The following NPAS3 variants were observed in gnomAD, a reference collection of about 807,000 sequenced individuals.
The protein encoded by NPAS3 is neuronal PAS domain-containing protein 3.
Under a neutral mutation model 73.1 loss-of-function variants are expected in NPAS3, and 14 were observed. The observed-to-expected ratio is 0.19, with a 90% CI of 0.13 to 0.30. NPAS3 has a LOEUF of 0.30. NPAS3 is among the 10% of genes least tolerant of loss of function. NPAS3 has a pLI of 1.00. For missense variants in NPAS3, 1,096 were observed against 1,250.0 expected, an observed-to-expected ratio of 0.88 and a Z score of 1.86; for synonymous variants, 620 against 541.5, an observed-to-expected ratio of 1.14 and a Z score of -2.01.
intron 2 of NPAS3, among the ~76,000 whole-genome samples, chr14:33,093,366 A>G (rs922303059): frequency 6.6e-6 from 1 of 152,234 alleles, no homozygotes; most frequent in Non-Finnish European, 1.5e-5. Flanking sequence ...GACACATGAA[A>G]AATGCTCATC....
chr14:33,560,838 G>A (rs866723099), intron 5 of NPAS3, among the ~76,000 whole-genome samples: 4 of 152,218 alleles, frequency 2.6e-5, no homozygotes, highest in South Asian at 2.1e-4. Flanking sequence ...AATCCTGGAT[G>A]TTACTTCTCG....
intron 3 of NPAS3, among the ~76,000 whole-genome samples, chr14:33,235,864 C>T (rs373514510): frequency 5.8e-5 from 7 of 121,192 alleles, no homozygotes; most frequent in African/African-American, 1.6e-4. Flanking sequence ...TCATAGTTCA[C>T]GGCAACCTTG....
At chr14:33,480,519 CACT>C (rs2051265494) in intron 4 of NPAS3, among the ~76,000 whole-genome samples, 30 of 123,372 alleles carry the variant, frequency 2.4e-4, no homozygotes, top group Middle Eastern at 4.3e-3. Context: ...CCCTCTCCCC[CACT>C]CTCCCCCTCC....
intron 5 of NPAS3, among the ~76,000 whole-genome samples, chr14:33,673,362 G>C (rs920616277): frequency 6.6e-6 from 1 of 152,136 alleles, no homozygotes; most frequent in African/African-American, 2.4e-5. Context: ...ATTGTTATGA[G>C]GATTAATCAA....
At chr14:33,504,361 T>C (rs1284244495) in intron 4 of NPAS3, among the ~76,000 whole-genome samples, 1 of 151,968 alleles carries the variant, frequency 6.6e-6, no homozygotes, top group Non-Finnish European at 1.5e-5. Context: ...TACCATAGAA[T>C]ATGTAATGCG....
At chr14:33,068,397 G>A (rs2041355659) in intron 2 of NPAS3, among the ~76,000 whole-genome samples, 1 of 152,136 alleles carries the variant, frequency 6.6e-6, no homozygotes, top group South Asian at 2.1e-4. Context: ...TTGCTCCTTT[G>A]TAAAGTCTTT....
At chr14:33,134,221 T>G (rs2139127822) in intron 2 of NPAS3, among the ~76,000 whole-genome samples, 1 of 152,248 alleles carries the variant, frequency 6.6e-6, no homozygotes, top group Admixed American at 6.5e-5. Flanking sequence ...TTTTTTTTTT[T>G]TCCTTTTTCT....
At chr14:33,405,823 A>G (rs1399694589) in intron 4 of NPAS3, among the ~76,000 whole-genome samples, 1 of 152,130 alleles carries the variant, frequency 6.6e-6, no homozygotes, top group Non-Finnish European at 1.5e-5. Flanking sequence ...GATAACATTA[A>G]ACTCAGTCTA....
intron 3 of NPAS3, among the ~76,000 whole-genome samples, chr14:33,341,553 G>A (rs551206390): frequency 1.3e-5 from 2 of 152,222 alleles, no homozygotes; most frequent in South Asian, 4.2e-4. Context: ...AAGGGATGCG[G>A]GAGGGAAGTG....
intron 3 of NPAS3, among the ~76,000 whole-genome samples, chr14:33,282,396 C>T (rs529781255): frequency 6.6e-6 from 1 of 152,252 alleles, no homozygotes; most frequent in African/African-American, 2.4e-5. Context: ...ACCGCAGAGG[C>T]ATGGGAGTTG....
chr14:33,187,976 T>C (rs993257191), intron 2 of NPAS3, among the ~76,000 whole-genome samples: 1 of 152,156 alleles, frequency 6.6e-6, no homozygotes, highest in South Asian at 2.1e-4. Flanking sequence ...ATGATATTAA[T>C]TCCATTTTGC....
chr14:32,966,869 A>AT (rs1231486042), intron 1 of NPAS3, among the ~76,000 whole-genome samples: 1 of 152,050 alleles, frequency 6.6e-6, no homozygotes, highest in East Asian at 1.9e-4. Flanking sequence ...CTGAACAAGG[A>AT]TTTTTTTGAA....
chr14:33,171,137 A>G (rs190245828), intron 2 of NPAS3, among the ~76,000 whole-genome samples: 164 of 152,336 alleles, frequency 1.1e-3, no homozygotes, highest in Non-Finnish European at 1.2e-3. Context: ...ATCTCCTTGT[A>G]CATCTCCATC....
intron 3 of NPAS3, among the ~76,000 whole-genome samples, chr14:33,359,887 T>G (rs2045513657): frequency 6.6e-6 from 1 of 152,210 alleles, no homozygotes; most frequent in Non-Finnish European, 1.5e-5. Flanking sequence ...ATACATGCAG[T>G]AGGTGTTTTG....
At chr14:33,077,774 GTTTTT>G (rs3057435) in intron 2 of NPAS3, among the ~76,000 whole-genome samples, 1 of 87,470 alleles carries the variant, frequency 1.1e-5, no homozygotes, top group East Asian at 2.8e-4. Context: ...TGCAGTAAGG[GTTTTT>G]TTTTTTTTTT....
chr14:33,632,137 G>A (rs2058394444), intron 5 of NPAS3, among the ~76,000 whole-genome samples: 1 of 152,154 alleles, frequency 6.6e-6, no homozygotes. Context: ...AGCAGAAGAA[G>A]GCAAAGGTAA....
chr14:33,571,870 G>A (rs1205615750), intron 5 of NPAS3, among the ~76,000 whole-genome samples: 1 of 152,164 alleles, frequency 6.6e-6, no homozygotes, highest in African/African-American at 2.4e-5. Flanking sequence ...ACAAAAACAA[G>A]GGTACTGAAG....
At chr14:33,342,131 A>G (rs1015481480) in intron 3 of NPAS3, among the ~76,000 whole-genome samples, 1 of 152,200 alleles carries the variant, frequency 6.6e-6, no homozygotes, top group African/African-American at 2.4e-5. Flanking sequence ...ATTATTTTTA[A>G]GGGAGGGAAA....
At chr14:33,019,161 T>A (rs2039499989) in intron 1 of NPAS3, among the ~76,000 whole-genome samples, 1 of 152,212 alleles carries the variant, frequency 6.6e-6, no homozygotes, top group Non-Finnish European at 1.5e-5. Context: ...GATTCGTACC[T>A]CGCCTCCCCA....
Sources: allele counts gnomAD v4.1 joint callset (sites outside exome capture counted in the v4.1 genomes callset), GRCh38; gene constraint gnomAD v4.1.1; transcripts MANE v1.5; gene names NCBI Gene and HGNC (gene_info 2026-07-23, HGNC 2026-07-21).